The following FRAS1 variants were observed in gnomAD, a reference collection of about 807,000 sequenced individuals.
FRAS1 encodes extracellular matrix organizing protein FRAS1.
Under a neutral mutation model 435.2 loss-of-function variants are expected in FRAS1, and 290 were observed. The ratio of observed to expected loss-of-function variants is 0.67; its 90% CI spans 0.61 to 0.73. The LOEUF (loss-of-function observed/expected upper bound fraction) is 0.73, where lower values mean the gene tolerates loss of function less well. Among genes scored for constraint, FRAS1 ranks in the 30% least tolerant of loss-of-function variants. The pLI is 0.00. For synonymous variants in FRAS1, 1,800 were observed against 1,851.0 expected (o/e 0.97, Z 0.71); for missense variants, 4,860 against 5,001.5 (o/e 0.97, Z 0.85).
chr4:78,372,382 C>A (rs560568104), intron 23 of FRAS1, among the ~76,000 whole-genome samples: 4 of 152,128 alleles, frequency 2.6e-5, no homozygotes, highest in Non-Finnish European at 5.9e-5. Flanking sequence ...CCACTCCCTG[C>A]GGCAGGTTTT....
intron 2 of FRAS1, among the ~76,000 whole-genome samples, chr4:78,121,334 T>A (rs1441143381): frequency 6.6e-6 from 1 of 152,224 alleles, no homozygotes; most frequent in Non-Finnish European, 1.5e-5. Flanking sequence ...TAATCTTTTC[T>A]GGGGTTTAAA....
intron 2 of FRAS1, among the ~76,000 whole-genome samples, chr4:78,115,377 T>A (rs988570610): frequency 6.6e-6 from 1 of 152,174 alleles, no homozygotes. Context: ...TCTTTTTCTA[T>A]TGATTGGAAT....
chr4:78,489,968 CAAAAAAAAA>C (rs61568957), intron 59 of FRAS1, among the ~76,000 whole-genome samples: 3 of 92,598 alleles, frequency 3.2e-5, no homozygotes, highest in Non-Finnish European at 4.1e-5. Context: ...TAGTGGAAAA[CAAAAAAAAA>C]AAAAAAAAAA....
chr4:78,180,860 A>G, intron 2 of FRAS1: 6 of 1,582,782 alleles, frequency 3.8e-6, no homozygotes, highest in Non-Finnish European at 3.5e-6. Flanking sequence ...GTCTTATGGC[A>G]TCCAGTTAAG....
chr4:78,278,608 T>G, intron 9 of FRAS1, 47 bp from the exon 10 acceptor site: 1 of 1,062,268 alleles, frequency 9.4e-7, no homozygotes, highest in Non-Finnish European at 1.5e-6. Context: ...CCCTGCTACC[T>G]GGAGATGTTA....
At chr4:78,319,041 T>C in intron 18 of FRAS1, 55 bp downstream of exon 18, 1 of 1,557,496 alleles carries the variant, frequency 6.4e-7, no homozygotes, top group Non-Finnish European at 8.8e-7. Flanking sequence ...TCTTGAGAGA[T>C]CCTGTGAGGT....
intron 19 of FRAS1, among the ~76,000 whole-genome samples, chr4:78,337,444 A>G (rs938830600): frequency 1.3e-5 from 2 of 152,122 alleles, no homozygotes; most frequent in Admixed American, 6.5e-5. Context: ...GATTTCTCAC[A>G]TATTTATAGT....
chr4:78,372,969 A>C, intron 24 of FRAS1, 111 bp downstream of exon 24: 1 of 1,248,212 alleles, frequency 8.0e-7, no homozygotes, highest in Non-Finnish European at 1.1e-6. Flanking sequence ...TTTTTACCCC[A>C]TTTCTGGTTT....
At chr4:78,068,090 T>G (rs1740144169) in intron 2 of FRAS1, among the ~76,000 whole-genome samples, 1 of 152,146 alleles carries the variant, frequency 6.6e-6, no homozygotes, top group South Asian at 2.1e-4. Context: ...TAAACAAATA[T>G]TTATTGAATG....
intron 2 of FRAS1, among the ~76,000 whole-genome samples, chr4:78,093,547 G>A (rs748655058): frequency 6.6e-5 from 10 of 152,286 alleles, no homozygotes; most frequent in East Asian, 3.9e-4. Context: ...AATTAAAATT[G>A]TTTTTATCTG....
intron 58 of FRAS1, among the ~76,000 whole-genome samples, chr4:78,483,990 A>G (rs1720096377): frequency 6.6e-6 from 1 of 151,866 alleles, no homozygotes; most frequent in Non-Finnish European, 1.5e-5. Flanking sequence ...GCTCACTACC[A>G]CAATCAAGAT....
chr4:78,059,711 T>G (rs576145081), intron 1 of FRAS1, among the ~76,000 whole-genome samples: 1 of 151,996 alleles, frequency 6.6e-6, no homozygotes, highest in East Asian at 1.9e-4. Context: ...GTTGGAATGG[T>G]GCAGCTTGTC....
intron 59 of FRAS1, among the ~76,000 whole-genome samples, chr4:78,489,870 T>C (rs937841408): frequency 6.8e-6 from 1 of 147,124 alleles, no homozygotes; most frequent in Non-Finnish European, 1.5e-5. Flanking sequence ...AATAGGCAGA[T>C]GTTGAGCAAA....
chr4:78,485,717 G>C lies in FRAS1; in HGVS notation c.8753-3158G>C, dbSNP rs79593557. Among the ~76,000 whole-genome samples, 634 of 152,220 alleles carry C rather than the reference G, an allele frequency of 4.2e-3. 6 individuals are homozygous for C. The highest frequency in any genetic ancestry group is 0.014 in the African/African-American group (599 of 41,514). ...TTGTGAAACCAAGTTTGAATAATTT[G>C]AGTAGGATTACACAGAGAGAAAGTG... On this transcript the variant is annotated intron_variant, in intron 58 of 73. Coordinates refer to ENST00000512123, the MANE Select transcript of FRAS1 (RefSeq NM_025074.7).
At chr4:78,326,266 G>A (rs545543329) in intron 18 of FRAS1, among the ~76,000 whole-genome samples, 2 of 152,308 alleles carry the variant, frequency 1.3e-5, no homozygotes, top group Non-Finnish European at 2.9e-5. Context: ...TTAAGGGGCT[G>A]TGGGAAGGTG....
chr4:78,406,205 C>T (rs1302189048), intron 30 of FRAS1, among the ~76,000 whole-genome samples: 1 of 152,224 alleles, frequency 6.6e-6, no homozygotes, highest in East Asian at 1.9e-4. Context: ...ATCAACTTAA[C>T]ATTTGTGTAA....
intron 2 of FRAS1, among the ~76,000 whole-genome samples, chr4:78,115,547 T>C (rs901920966): frequency 1.3e-5 from 2 of 152,224 alleles, no homozygotes; most frequent in African/African-American, 4.8e-5. Flanking sequence ...TTCTTCCTGG[T>C]TTGGTCTTGG....
chr4:78,361,297 A>G (rs776317670), intron 20 of FRAS1, among the ~76,000 whole-genome samples: 2 of 152,254 alleles, frequency 1.3e-5, no homozygotes, highest in Non-Finnish European at 2.9e-5. Context: ...TGGGGAAAGT[A>G]GTCTCCTTCT....
At chr4:78,121,092 G>A (rs1718991341) in intron 2 of FRAS1, among the ~76,000 whole-genome samples, 1 of 152,154 alleles carries the variant, frequency 6.6e-6, no homozygotes, top group Non-Finnish European at 1.5e-5. Flanking sequence ...TGACAGTTCA[G>A]AAACCTCTCA....
Sources: allele counts gnomAD v4.1 joint callset (sites outside exome capture counted in the v4.1 genomes callset), GRCh38; gene constraint gnomAD v4.1.1; transcripts MANE v1.5; gene names NCBI Gene and HGNC (gene_info 2026-07-23, HGNC 2026-07-21).